Variants in CACNA1C observed in about 807,000 individuals in gnomAD.
CACNA1C encodes voltage-dependent L-type calcium channel subunit alpha-1C.
A neutral mutation model predicts 229.0 loss-of-function variants in CACNA1C; 30 were observed. That is an observed-to-expected ratio of 0.13 (90% CI 0.10 to 0.18). The LOEUF is 0.18. Ranked by LOEUF, CACNA1C falls within the 10% of genes least tolerant of loss-of-function variation. The pLI, the probability that CACNA1C is intolerant of heterozygous loss-of-function variation, is 1.00. For missense variants in CACNA1C, 1,658 were observed against 2,845.0 expected, an observed-to-expected ratio of 0.58 and a Z score of 9.49; for synonymous variants, 1,114 against 1,132.5, an observed-to-expected ratio of 0.98 and a Z score of 0.33.
chr12:2,619,925 G>T (rs1288233160), intron 29 of CACNA1C, among the ~76,000 whole-genome samples: 3 of 152,044 alleles, frequency 2.0e-5, no homozygotes, highest in Non-Finnish European at 2.9e-5. Flanking sequence ...AGCATCCCCA[G>T]TTCACCCTCT....
intron 39 of CACNA1C, among the ~76,000 whole-genome samples, chr12:2,675,458 G>GC (rs928202675): frequency 2.6e-5 from 4 of 152,032 alleles, no homozygotes; most frequent in Admixed American, 2.0e-4. Context: ...TGTATAAATA[G>GC]CCCCCCACAC....
At chr12:2,466,361 C>A (rs2154566772) in intron 5 of CACNA1C, among the ~76,000 whole-genome samples, 1 of 152,312 alleles carries the variant, frequency 6.6e-6, no homozygotes, top group African/African-American at 2.4e-5. Flanking sequence ...AGGCAGCAGG[C>A]ATGGTCCCTG....
At chr12:2,314,075 C>G (rs2095565678) in intron 3 of CACNA1C, among the ~76,000 whole-genome samples, 1 of 152,180 alleles carries the variant, frequency 6.6e-6, no homozygotes, top group South Asian at 2.1e-4. Flanking sequence ...ACTTCTTATT[C>G]CCTTTGACCA....
chr12:2,078,589 G>T (rs925814005), intron 1 of CACNA1C, among the ~76,000 whole-genome samples: 1 of 152,146 alleles, frequency 6.6e-6, no homozygotes, highest in Non-Finnish European at 1.5e-5. Flanking sequence ...TGCAGAGGGG[G>T]TTGTTCAATG....
At chr12:2,138,249 G>A (rs2093751529) in intron 3 of CACNA1C, among the ~76,000 whole-genome samples, 1 of 151,296 alleles carries the variant, frequency 6.6e-6, no homozygotes, top group Non-Finnish European at 1.5e-5. Flanking sequence ...GAGACCTCAC[G>A]TCTGCACCGA....
Position 2,688,651 on chromosome 12 carries a change from G to T in CACNA1C, c.5989G>T (p.Glu1997Ter), listed in dbSNP as rs1556309883. Reference protein sequence around the residue: ...FPSIHCGSWAETTPGGGGSSA... With the variant: ...FPSIHCGSWA ...ATCCATCCACTGCGGCTCCTGGGCT[G>T]AGACCACCCCCGGTGGCGGGGGCAG... Residue 1997 changes from glutamate to a stop codon, truncating the protein, a stop_gained, in exon 46 of 47, where the codon GAG (glutamate) becomes TAG (stop). Coordinates refer to ENST00000399655, the MANE Select transcript of CACNA1C (RefSeq NM_000719.7). LOFTEE classifies it high-confidence loss of function. 1 of 1,613,832 alleles carries T rather than the reference G, an allele frequency of 6.2e-7. No homozygotes were observed. The highest frequency in any genetic ancestry group is 8.5e-7 in the Non-Finnish European group (1 of 1,179,856).
chr12:1,988,960 T>G (rs1483624885), intron 1 of CACNA1C, among the ~76,000 whole-genome samples: 1 of 152,226 alleles, frequency 6.6e-6, no homozygotes, highest in Non-Finnish European at 1.5e-5. Flanking sequence ...ATATCTTAAG[T>G]TTTTCTTTTC....
chr12:2,539,058 G>C (rs115779570), intron 9 of CACNA1C, among the ~76,000 whole-genome samples: 3,493 of 152,336 alleles, frequency 0.023, 132 homozygotes, highest in African/African-American at 0.08. Context: ...CCATTTACTA[G>C]CTCTCCCCTT....
chr12:2,693,428 G>A lies in CACNA1C; in HGVS notation c.*2229G>A, dbSNP rs1042724829. The stretch of plus-strand genomic sequence containing the variant: ...AAATTAAAGTCAGGCTGCTTGGAGG[G>A]AGGGGCATCCTCACTTCCGGATTCT... On this transcript the variant is annotated 3_prime_UTR_variant, in exon 47 of 47. Transcript: ENST00000399655. The A allele has an allele frequency of 2.6e-5, 4 of 152,214 alleles. No individual in the cohort carries two copies. The highest frequency in any genetic ancestry group is 9.7e-5 in the African/African-American group (4 of 41,436). 9.4% of individuals were successfully genotyped at this position (152,214 alleles called of 1,614,324 possible). A position where few individuals can be genotyped will look rare whatever the true frequency, so the allele number is the denominator to read the frequency against.
At position 2,602,886 on chromosome 12, in the gene CACNA1C, CA is replaced by C. The variant is rs1346188929; in HGVS notation, c.2960+930del. Among the ~76,000 whole-genome samples, 1 of 152,098 alleles carries C rather than the reference CA, an allele frequency of 6.6e-6. No individual in the cohort carries two copies. The highest frequency in any genetic ancestry group is 1.5e-5 in the Non-Finnish European group (1 of 68,024). ...CATTCTTCTGTGGTCCTCACACACA[CA>C]AAACGATGGGGGAGACGGGGCAAGT... On this transcript the variant is annotated intron_variant, in intron 22 of 46. Coordinates refer to ENST00000399655, the MANE Select transcript of CACNA1C (RefSeq NM_000719.7). The surrounding 1 kb of genome is among the most constrained non-coding windows in gnomAD (Gnocchi z 4.4).
chr12:2,596,104 A>T, intron 20 of CACNA1C, 101 bp downstream of exon 20: 1 of 1,206,382 alleles, frequency 8.3e-7, no homozygotes. Context: ...GCCCAATTCT[A>T]GGTGTCATAA....
At chr12:2,116,630 G>A (rs1017425375) in intron 2 of CACNA1C, among the ~76,000 whole-genome samples, 6 of 152,072 alleles carry the variant, frequency 3.9e-5, no homozygotes, top group African/African-American at 1.2e-4. Flanking sequence ...GCCTCCCAAA[G>A]TGTTGGGATT....
chr12:2,373,218 A>G (rs1162865509), intron 3 of CACNA1C, among the ~76,000 whole-genome samples: 1 of 152,164 alleles, frequency 6.6e-6, no homozygotes, highest in Non-Finnish European at 1.5e-5. Context: ...TTTTCTACTT[A>G]TATTACTTAC....
chr12:2,543,115 A>G (rs1418811396), intron 9 of CACNA1C, among the ~76,000 whole-genome samples: 1 of 152,214 alleles, frequency 6.6e-6, no homozygotes, highest in Non-Finnish European at 1.5e-5. Context: ...TGGATAGCCC[A>G]GAGAAACACA....
At position 2,595,818 on chromosome 12, in the gene CACNA1C, G is replaced by T. The variant is rs557202471; in HGVS notation, c.2664-56G>T. On this transcript the variant is annotated intron_variant, in intron 19 of 46. Coordinates refer to ENST00000399655, the MANE Select transcript of CACNA1C (RefSeq NM_000719.7). This position sits in a 1 kb window ranked among gnomAD's most constrained non-coding sequence, Gnocchi z 4.1. ...GAGAGGGGCTCCCAAGAGCCGACTG[G>T]TGCTTCCCCTTGTCTGCCTTGACTT... The T allele has an allele frequency of 3.2e-5, 50 of 1,584,062 alleles. No individual in the cohort carries two copies. The highest frequency in any genetic ancestry group is 4.2e-5 in the Non-Finnish European group (49 of 1,161,140).
At chr12:2,122,329 C>G (rs2087181928) in intron 3 of CACNA1C, among the ~76,000 whole-genome samples, 1 of 152,054 alleles carries the variant, frequency 6.6e-6, no homozygotes, top group Non-Finnish European at 1.5e-5. Context: ...GTAATGATAC[C>G]TCAAAAAAGC....
chr12:2,245,510 A>G (rs563662158), intron 3 of CACNA1C, among the ~76,000 whole-genome samples: 2 of 152,338 alleles, frequency 1.3e-5, no homozygotes, highest in South Asian at 4.1e-4. Context: ...CGGGTGGTCT[A>G]GAATGTGCCC....
chr12:2,459,170 T>G (rs1277716204), intron 5 of CACNA1C, among the ~76,000 whole-genome samples: 9 of 9,384 alleles, frequency 9.6e-4, no homozygotes, highest in South Asian at 2.9e-3. Flanking sequence ...TTTGTGTGTG[T>G]TTTTTTTTTT....
At chr12:2,208,055 G>A (rs998174255) in intron 3 of CACNA1C, among the ~76,000 whole-genome samples, 5 of 152,134 alleles carry the variant, frequency 3.3e-5, no homozygotes, top group Admixed American at 6.5e-5. Flanking sequence ...CTTTGAGGAC[G>A]GCAGGGCTGG....
Sources: gnomAD v4.1 joint callset for allele counts (sites outside exome capture counted in the v4.1 genomes callset) on GRCh38, gnomAD v4.1.1 for gene constraint, Gnocchi (gnomAD v3.1) non-coding constraint, MANE v1.5 for transcripts, NCBI Gene and HGNC (gene_info 2026-07-23, HGNC 2026-07-21) for gene names.